CLASP2: variants seen among roughly 807,000 people sequenced by gnomAD.
CLASP2 encodes cytoplasmic linker associated protein 2, also known as CLIP-associating protein 2.
Under a neutral mutation model 194.4 loss-of-function variants are expected in CLASP2, and 47 were observed. That is an observed-to-expected ratio of 0.24 (90% CI 0.19 to 0.31). The LOEUF (loss-of-function observed/expected upper bound fraction) is 0.31, where lower values mean the gene tolerates loss of function less well. Among genes scored for constraint, CLASP2 ranks in the 10% least tolerant of loss-of-function variants. CLASP2 has a pLI of 1.00. For missense variants in CLASP2, 1,445 were observed against 1,823.6 expected, an observed-to-expected ratio of 0.79 and a Z score of 3.78; for synonymous variants, 619 against 633.5, an observed-to-expected ratio of 0.98 and a Z score of 0.34.
At chr3:33,647,316 G>GC (rs144111898) in intron 7 of CLASP2, among the ~76,000 whole-genome samples, 2,881 of 152,056 alleles carry the variant, frequency 0.019, 94 homozygotes, top group African/African-American at 0.065. Flanking sequence ...TCAAAATGTG[G>GC]CCCCTATACC....
At chr3:33,604,320 C>CTTTT in intron 16 of CLASP2, 111 bp from the exon 17 acceptor site, 4 of 572,328 alleles carry the variant, frequency 7.0e-6, no homozygotes, top group African/African-American at 6.2e-5. Flanking sequence ...TTTCTTTTTT[C>CTTTT]TTTTTTTTTT....
At chr3:33,662,274 T>C (rs2085428474) in intron 7 of CLASP2, among the ~76,000 whole-genome samples, 1 of 152,146 alleles carries the variant, frequency 6.6e-6, no homozygotes, top group Non-Finnish European at 1.5e-5. Context: ...TTCCTTAGAG[T>C]TGTAACTAAC....
chr3:33,536,167 T>TTGGGAA (rs2057294537), intron 33 of CLASP2, among the ~76,000 whole-genome samples: 1 of 152,054 alleles, frequency 6.6e-6, no homozygotes, highest in Non-Finnish European at 1.5e-5. Context: ...ATGCCTGGCA[T>TTGGGAA]TGTTCACAGC....
chr3:33,604,596 T>C (rs964709874), intron 16 of CLASP2, among the ~76,000 whole-genome samples: 1 of 152,136 alleles, frequency 6.6e-6, no homozygotes, highest in Non-Finnish European at 1.5e-5. Flanking sequence ...GCTGGAATTA[T>C]ATGTGTGAGC....
intron 27 of CLASP2, among the ~76,000 whole-genome samples, chr3:33,565,337 C>T (rs2062513120): frequency 6.6e-6 from 1 of 151,984 alleles, no homozygotes; most frequent in South Asian, 2.1e-4. Context: ...CGCCACCACA[C>T]TCGGCTAATT....
At chr3:33,516,330 T>A (rs1377459711) in intron 35 of CLASP2, among the ~76,000 whole-genome samples, 179 bp from the exon 36 acceptor site, 1 of 152,224 alleles carries the variant, frequency 6.6e-6, no homozygotes, top group Non-Finnish European at 1.5e-5. Context: ...TATATTATAC[T>A]TATTTTATTT....
chr3:33,514,825 C>T (rs898374063), intron 36 of CLASP2: 8 of 164,134 alleles, frequency 4.9e-5, no homozygotes, highest in Admixed American at 1.2e-4. Flanking sequence ...TGTATATACA[C>T]ACACACACAC....
chr3:33,602,322 C>T, intron 18 of CLASP2: 1 of 532,346 alleles, frequency 1.9e-6, no homozygotes, highest in Non-Finnish European at 3.3e-6. Context: ...GATTTTGGAG[C>T]ATTTCAGATT....
chr3:33,688,377 A>C lies in CLASP2; in HGVS notation c.379-9T>G, dbSNP rs1376650530. The C allele has an allele frequency of 6.5e-7, 1 of 1,549,488 alleles. No homozygotes were observed. Among genetic ancestry groups the C allele is most frequent in the Non-Finnish European group, 8.7e-7 (1 of 1,147,624 alleles). On this transcript the variant is annotated splice_polypyrimidine_tract_variant and intron_variant, in intron 3 of 38. Coordinates refer to ENST00000682230, the MANE Select transcript of CLASP2 (RefSeq NM_001365631.1). ...AACTGCTCCCAAATGTACTATTTGAAAGAAAAGTAAAAACGTATAACAAAA... is the reference window on the plus strand; with the variant it reads ...AACTGCTCCCAAATGTACTATTTGACAGAAAAGTAAAAACGTATAACAAAA...
chr3:33,659,844 A>C (rs1015226211), intron 7 of CLASP2, among the ~76,000 whole-genome samples: 1 of 152,226 alleles, frequency 6.6e-6, no homozygotes, highest in African/African-American at 2.4e-5. Context: ...ACCAAAGAAA[A>C]GAGCTGCTTT....
intron 34 of CLASP2, among the ~76,000 whole-genome samples, chr3:33,533,415 ACTC>A (rs1457008930): frequency 6.6e-6 from 1 of 152,104 alleles, no homozygotes; most frequent in African/African-American, 2.4e-5. Context: ...TAACAAAAAC[ACTC>A]CTCAACTTTG....
At chr3:33,697,069 A>G (rs2154351349) in intron 1 of CLASP2, 136 bp from the exon 2 acceptor site, 1 of 607,826 alleles carries the variant, frequency 1.6e-6, no homozygotes, top group African/African-American at 1.9e-5. Context: ...ATTCAAGGGT[A>G]AACAGTCATG....
At chr3:33,711,397 C>T (rs1360125187) in intron 1 of CLASP2, among the ~76,000 whole-genome samples, 1 of 151,690 alleles carries the variant, frequency 6.6e-6, no homozygotes, top group African/African-American at 2.4e-5. Flanking sequence ...AGGCATGCAC[C>T]ACCATACCTG....
chr3:33,580,464 G>A (rs1424591209), intron 23 of CLASP2, among the ~76,000 whole-genome samples: 5 of 152,138 alleles, frequency 3.3e-5, no homozygotes, highest in Admixed American at 6.5e-5. Context: ...TCAGGAGGCT[G>A]AGGCAGGAGA....
chr3:33,714,234 T>C (rs1364797499), intron 1 of CLASP2, among the ~76,000 whole-genome samples: 2 of 152,222 alleles, frequency 1.3e-5, no homozygotes, highest in Non-Finnish European at 2.9e-5. Context: ...CATAATGCCA[T>C]TTAAAAATTT....
chr3:33,620,466 T>C (rs1445830288), intron 11 of CLASP2, among the ~76,000 whole-genome samples: 1 of 152,184 alleles, frequency 6.6e-6, no homozygotes, highest in Non-Finnish European at 1.5e-5. Flanking sequence ...ACTGAAAACA[T>C]GGTTGAGATA....
At chr3:33,675,698 A>AG (rs2088458386) in intron 6 of CLASP2, among the ~76,000 whole-genome samples, 1 of 146,472 alleles carries the variant, frequency 6.8e-6, no homozygotes. Flanking sequence ...CCATTGTCTC[A>AG]GCCCAAAATC....
chr3:33,570,396 T>C (rs1052305931), intron 26 of CLASP2, among the ~76,000 whole-genome samples: 3 of 152,124 alleles, frequency 2.0e-5, no homozygotes, highest in Non-Finnish European at 4.4e-5. Context: ...CAAAATAAAA[T>C]GTTAAAAACC....
At chr3:33,606,806 A>T (rs2073952698) in intron 15 of CLASP2, 48 bp from the exon 16 acceptor site, 1 of 1,324,910 alleles carries the variant, frequency 7.5e-7, no homozygotes, top group Non-Finnish European at 1.1e-6. Context: ...TTACATAATT[A>T]GACATTAACA....
Sources: gnomAD v4.1 joint callset for allele counts (sites outside exome capture counted in the v4.1 genomes callset) on GRCh38, gnomAD v4.1.1 for gene constraint, MANE v1.5 for transcripts, NCBI Gene and HGNC (gene_info 2026-07-23, HGNC 2026-07-21) for gene names.